The following ANG variants were observed in gnomAD, a reference collection of about 807,000 sequenced individuals.
ANG encodes angiogenin.
For missense variants in ANG, 178 were observed against 187.4 expected (o/e 0.95, Z 0.29); for synonymous variants, 74 against 73.8 (o/e 1.00, Z -0.02).
chr14:20,692,480 C>T (rs1264732590), intron 1 of ANG, among the ~76,000 whole-genome samples: 2 of 152,252 alleles, frequency 1.3e-5, no homozygotes, highest in Non-Finnish European at 2.9e-5. Context: ...CGGTCTGTGG[C>T]CTGTCCGCCT....
At chr14:20,688,688 G>T, upstream of ANG, 1 of 985,326 alleles carries the variant, frequency 1.0e-6, no homozygotes, top group African/African-American at 1.7e-5. Flanking sequence ...GTTTGTTCAA[G>T]AGCAGTGTCC....
intron 1 of ANG, among the ~76,000 whole-genome samples, chr14:20,690,108 G>C (rs531906918): frequency 1.4e-5 from 2 of 147,630 alleles, no homozygotes; most frequent in Non-Finnish European, 3.0e-5. Context: ...CCAGCTACTC[G>C]GGAGGCTGAG....
At chr14:20,689,641 G>C (rs939610884) in intron 1 of ANG, among the ~76,000 whole-genome samples, 2 of 152,194 alleles carry the variant, frequency 1.3e-5, no homozygotes, top group African/African-American at 4.8e-5. Flanking sequence ...TTGGGGCCAG[G>C]TGTGGTGGCT....
chr14:20,686,948 C>T (rs1886453313), upstream of ANG, among the ~76,000 whole-genome samples: 1 of 152,116 alleles, frequency 6.6e-6, no homozygotes, highest in African/African-American at 2.4e-5. Flanking sequence ...AAACAGGACC[C>T]GTGCATCCCG....
chr14:20,684,779 C>G (rs1037145005), upstream of ANG: 3 of 153,466 alleles, frequency 2.0e-5, no homozygotes, highest in Admixed American at 1.3e-4. Flanking sequence ...ACTCCTGCTC[C>G]TCCTCCTCCT....
intron 1 of ANG, among the ~76,000 whole-genome samples, chr14:20,691,411 A>G (rs1462071996): frequency 2.0e-5 from 3 of 152,258 alleles, no homozygotes; most frequent in Non-Finnish European, 4.4e-5. Flanking sequence ...CCAAAAAACT[A>G]GAAACAGGAA....
chr14:20,693,928 GCGGGGTTCAGAAA>G lies in ANG; in HGVS notation c.367_379del (p.Gly123LeufsTer67), dbSNP rs769750815. 1.1e-5 allele frequency: 18 copies of G among 1,614,180 alleles called. No individual in the cohort carries two copies. The South Asian group carries it at 2.0e-4, about 18-fold the overall frequency. On this transcript the variant is annotated frameshift_variant, in exon 2 of 2. Coordinates refer to ENST00000397990, the MANE Select transcript of ANG (RefSeq NM_001097577.3). LOFTEE classifies it low-confidence loss of function (END_TRUNC). ...GCCTCCATGCCAGTACCGAGCCACA[GCGGGGTTCAGAAA>G]CGTTGTTGTTGCTTGTGAAAATGGC...
In ANG at chr14:20,693,759, C is replaced by T. The variant is rs774017767; in HGVS notation, c.195C>T (p.Asp65=). Residue 65 remains aspartate, a synonymous_variant, in exon 2 of 2, where the codon GAC becomes GAT. Coordinates refer to ENST00000397990, the MANE Select transcript of ANG (RefSeq NM_001097577.3). ...RRRGLTSPCK[D]INTFIHGNKR... is the part of the protein sequence containing the mutation. Reference sequence around the variant, plus strand: ...GGGGCCTGACCTCACCCTGCAAAGACATCAACACATTTATTCATGGCAACA... The same window carrying T: ...GGGGCCTGACCTCACCCTGCAAAGATATCAACACATTTATTCATGGCAACA... The T allele has an allele frequency of 6.2e-7, 1 of 1,614,210 alleles. No individual in the cohort carries two copies. Among genetic ancestry groups the T allele is most frequent in the African/African-American group, 1.3e-5 (1 of 75,050 alleles).
rs560132718 is a variant in ANG, at chr14:20,693,127, G to A, written c.-18-420G>A. ...CTCCCAAAGTGCTGGGATTACAGGC[G>A]TGAGCCACCGCGCCCGGCCGTCATT... On this transcript the variant is annotated intron_variant, in intron 1 of 1. Transcript: ENST00000397990. Among the ~76,000 whole-genome samples, 10 of 152,334 alleles carry A rather than the reference G, an allele frequency of 6.6e-5. No homozygotes were observed. The East Asian group carries it at 9.6e-4, about 15-fold the overall frequency.
At chr14:20,687,663 A>T (rs1886488511), upstream of ANG, among the ~76,000 whole-genome samples, 1 of 152,202 alleles carries the variant, frequency 6.6e-6, no homozygotes, top group South Asian at 2.1e-4. Flanking sequence ...AGCAGAGCAT[A>T]TTTACATAAT....
chr14:20,693,423 TA>T, intron 1 of ANG, 123 bp from the exon 2 acceptor site: 1 of 1,280,422 alleles, frequency 7.8e-7, no homozygotes, highest in South Asian at 1.2e-5. Context: ...AAATAGAATA[TA>T]AAATTTGGTG....
chr14:20,687,474 CTG>C (rs1265346746), upstream of ANG, among the ~76,000 whole-genome samples: 4 of 152,126 alleles, frequency 2.6e-5, no homozygotes, highest in Non-Finnish European at 5.9e-5. Flanking sequence ...GGCCATGGGG[CTG>C]TGTGTGTGCA....
chr14:20,688,730 A>G (rs555346515), upstream of ANG: 1 of 985,336 alleles, frequency 1.0e-6, no homozygotes, highest in African/African-American at 1.7e-5. Flanking sequence ...GGACTGGGAC[A>G]CTATATATTA....
chr14:20,687,742 A>G (rs1886492490), upstream of ANG, among the ~76,000 whole-genome samples: 1 of 152,212 alleles, frequency 6.6e-6, no homozygotes, highest in Non-Finnish European at 1.5e-5. Flanking sequence ...AAAATGAAAG[A>G]TTGCACTGAA....
In ANG at chr14:20,693,813, C is replaced by T. The variant is rs777431370; in HGVS notation, c.249C>T (p.Asn83=). ...NKRSIKAICE[N]KNGNPHRENL... ...GCAGCATCAAGGCCATCTGTGAAAA[C>T]AAGAATGGAAACCCTCACAGAGAAA... Residue 83 remains asparagine (N), a synonymous_variant, in exon 2 of 2, where the codon AAC becomes AAT. Coordinates refer to ENST00000397990, the MANE Select transcript of ANG (RefSeq NM_001097577.3). 1.9e-6 allele frequency: 3 copies of T among 1,614,208 alleles called. No homozygotes were observed. The highest frequency in any genetic ancestry group is 2.2e-5 in the South Asian group (2 of 91,086).
chr14:20,689,894 C>T (rs1048670015), intron 1 of ANG, among the ~76,000 whole-genome samples: 14 of 134,474 alleles, frequency 1.0e-4, no homozygotes, highest in Non-Finnish European at 2.2e-4. Flanking sequence ...CTAGCCTGGG[C>T]GATAGAACAA....
At chr14:20,686,255 T>C (rs1886422377), upstream of ANG, among the ~76,000 whole-genome samples, 1 of 152,086 alleles carries the variant, frequency 6.6e-6, no homozygotes, top group African/African-American at 2.4e-5. Flanking sequence ...GGCACTCTAG[T>C]AATGTGGAGA....
At chr14:20,693,426 A>C in intron 1 of ANG, 121 bp from the exon 2 acceptor site, 4 of 1,306,836 alleles carry the variant, frequency 3.1e-6, no homozygotes, top group Non-Finnish European at 4.3e-6. Flanking sequence ...TAGAATATAA[A>C]ATTTGGTGGT....
chr14:20,692,397 C>T (rs913232218), intron 1 of ANG, among the ~76,000 whole-genome samples: 2 of 152,222 alleles, frequency 1.3e-5, no homozygotes, highest in Admixed American at 6.5e-5. Flanking sequence ...TAGCTAGAAG[C>T]CTGTCGTAAA....
Sources: allele counts gnomAD v4.1 joint callset (sites outside exome capture counted in the v4.1 genomes callset), GRCh38; gene constraint gnomAD v4.1.1; transcripts MANE v1.5; gene names NCBI Gene and HGNC (gene_info 2026-07-23, HGNC 2026-07-21).